GULP1: variants seen among roughly 807,000 people sequenced by gnomAD.
GULP1 encodes the protein GULP PTB domain containing engulfment adaptor 1.
Under a neutral mutation model 40.9 loss-of-function variants are expected in GULP1, and 19 were observed. The observed-to-expected ratio is 0.46, with a 90% CI of 0.32 to 0.68. GULP1 has a LOEUF of 0.68. Among genes scored for constraint, GULP1 ranks in the 30% least tolerant of loss-of-function variants. The probability of loss-of-function intolerance (pLI) is 0.03; values close to 1 mark genes in which losing one functional copy is unlikely to be tolerated. For missense variants in GULP1, 312 were observed against 362.2 expected (o/e 0.86, Z 1.12); for synonymous variants, 119 against 117.6 (o/e 1.01, Z -0.08).
chr2:188,541,043 G>A (rs1000523153), intron 6 of GULP1, 138 bp from the exon 7 acceptor site: 2 of 709,502 alleles, frequency 2.8e-6, no homozygotes, highest in African/African-American at 3.6e-5. Flanking sequence ...TTTAGGTTGG[G>A]GTGTACATAA....
chr2:188,504,131 T>C (rs527361054), intron 4 of GULP1, among the ~76,000 whole-genome samples: 5 of 152,054 alleles, frequency 3.3e-5, no homozygotes, highest in Admixed American at 2.0e-4. Context: ...AATTCAGCTG[T>C]CACTCTTCTG....
chr2:188,373,771 T>C (rs934969514), intron 1 of GULP1, among the ~76,000 whole-genome samples: 1 of 151,998 alleles, frequency 6.6e-6, no homozygotes, highest in Admixed American at 6.6e-5. Flanking sequence ...AAGCTTCCAG[T>C]GATTTCTTCA....
intron 2 of GULP1, among the ~76,000 whole-genome samples, chr2:188,440,794 A>C (rs1448505878): frequency 2.0e-5 from 3 of 152,206 alleles, no homozygotes; most frequent in African/African-American, 7.2e-5. Context: ...TTAATTCCTC[A>C]ATACTTTACT....
chr2:188,534,139 A>G (rs1358503628), intron 6 of GULP1, among the ~76,000 whole-genome samples: 1 of 152,164 alleles, frequency 6.6e-6, no homozygotes, highest in Middle Eastern at 3.2e-3. Context: ...TATACTTGGT[A>G]TATATCCAAA....
intron 4 of GULP1, among the ~76,000 whole-genome samples, chr2:188,522,305 GT>G (rs1369225269): frequency 3.3e-5 from 5 of 151,850 alleles, no homozygotes; most frequent in Non-Finnish European, 7.4e-5. Context: ...GCAGAGGCAA[GT>G]GGGGAGAGAC....
chr2:188,300,892 A>ATTT (rs2036014391), intron 1 of GULP1, among the ~76,000 whole-genome samples: 1 of 152,172 alleles, frequency 6.6e-6, no homozygotes, highest in Non-Finnish European at 1.5e-5. Flanking sequence ...ACAATAAGAA[A>ATTT]TAACTGTCTT....
chr2:188,331,374 A>G (rs1382010412), intron 1 of GULP1, among the ~76,000 whole-genome samples: 2 of 152,174 alleles, frequency 1.3e-5, no homozygotes, highest in Non-Finnish European at 2.9e-5. Flanking sequence ...TTGTGCAGCC[A>G]AAATAAATAT....
chr2:188,593,397 A>G (rs1242075860), intron 11 of GULP1: 2 of 152,144 alleles, frequency 1.3e-5, no homozygotes, highest in Admixed American at 6.6e-5. Context: ...GCTACAAGCA[A>G]CAGCAAGGCT....
chr2:188,425,448 T>A (rs2056062718), intron 2 of GULP1, among the ~76,000 whole-genome samples: 1 of 152,152 alleles, frequency 6.6e-6, no homozygotes, highest in African/African-American at 2.4e-5. Flanking sequence ...ATCAGCCATT[T>A]GTCCAAGGAA....
chr2:188,503,610 C>T (rs1400411570), intron 4 of GULP1, among the ~76,000 whole-genome samples: 3 of 151,790 alleles, frequency 2.0e-5, no homozygotes, highest in Non-Finnish European at 4.4e-5. Flanking sequence ...TATTAGTTAG[C>T]GTATTTTATG....
chr2:188,321,586 C>G (rs1366459889), intron 1 of GULP1, among the ~76,000 whole-genome samples: 1 of 151,900 alleles, frequency 6.6e-6, no homozygotes, highest in Non-Finnish European at 1.5e-5. Context: ...CACTGTTTAT[C>G]ACTTGTATAG....
At chr2:188,425,824 C>A (rs1288184905) in intron 2 of GULP1, among the ~76,000 whole-genome samples, 1 of 152,102 alleles carries the variant, frequency 6.6e-6, no homozygotes, top group Non-Finnish European at 1.5e-5. Flanking sequence ...TATGTTTTAA[C>A]ATCACATGAA....
chr2:188,322,818 T>A (rs1170364126), intron 1 of GULP1, among the ~76,000 whole-genome samples: 1 of 152,152 alleles, frequency 6.6e-6, no homozygotes, highest in Non-Finnish European at 1.5e-5. Context: ...CAATACCTCT[T>A]GCCTGTGGTT....
intron 2 of GULP1, among the ~76,000 whole-genome samples, chr2:188,424,790 A>C (rs1575160923): frequency 6.6e-6 from 1 of 151,916 alleles, no homozygotes; most frequent in African/African-American, 2.4e-5. Context: ...TTTGTTTCCC[A>C]TGTAACAAAT....
chr2:188,416,777 T>C (rs2152744414), intron 2 of GULP1, among the ~76,000 whole-genome samples: 1 of 152,264 alleles, frequency 6.6e-6, no homozygotes. Flanking sequence ...GAACATATAG[T>C]AGTTAGTAGA....
At chr2:188,337,066 C>T (rs2042351777) in intron 1 of GULP1, among the ~76,000 whole-genome samples, 1 of 151,704 alleles carries the variant, frequency 6.6e-6, no homozygotes, top group Admixed American at 6.6e-5. Context: ...CAGAAACTTG[C>T]TTCTCCTATA....
At chr2:188,535,090 AATT>A (rs1294338203) in intron 6 of GULP1, among the ~76,000 whole-genome samples, 1 of 151,270 alleles carries the variant, frequency 6.6e-6, no homozygotes, top group Non-Finnish European at 1.5e-5. Flanking sequence ...ATATTAAAGT[AATT>A]ATTTAATGTT....
chr2:188,541,211 A>C lies in GULP1; in HGVS notation c.292A>C (p.Ile98Leu), dbSNP rs752693650. The C allele has an allele frequency of 6.2e-7, 1 of 1,612,802 alleles. No homozygotes were observed. The highest frequency in any genetic ancestry group is 1.7e-4 in the Middle Eastern group (1 of 6,056). ...TCAACACAATTGCCAGCTTCATAGAATATCTTTTTGTGCAGATGATAAAAC... is the reference window on the plus strand; with the variant it reads ...TCAACACAATTGCCAGCTTCATAGACTATCTTTTTGTGCAGATGATAAAAC... ...EVQHNCQLHR[I>L]SFCADDKTDK... Residue 98 changes from isoleucine to leucine, a missense_variant, in exon 7 of 12, where the codon ATA becomes CTA. Coordinates refer to ENST00000409830, the MANE Select transcript of GULP1 (RefSeq NM_016315.4).
intron 6 of GULP1, among the ~76,000 whole-genome samples, chr2:188,533,949 G>C (rs1688234879): frequency 6.6e-6 from 1 of 152,110 alleles, no homozygotes; most frequent in Non-Finnish European, 1.5e-5. Flanking sequence ...CCACCATGCA[G>C]AATAACTGTT....
Sources: allele counts gnomAD v4.1 joint callset (sites outside exome capture counted in the v4.1 genomes callset), GRCh38; gene constraint gnomAD v4.1.1; transcripts MANE v1.5; gene names NCBI Gene and HGNC (gene_info 2026-07-23, HGNC 2026-07-21).